ABCA12: variants seen among roughly 807,000 people sequenced by gnomAD.
The protein encoded by ABCA12 is ATP binding cassette subfamily A member 12.
Under a neutral mutation model 293.5 loss-of-function variants are expected in ABCA12, and 156 were observed. The ratio of observed to expected loss-of-function variants is 0.53; its 90% confidence interval spans 0.47 to 0.61. The LOEUF (loss-of-function observed/expected upper bound fraction) is 0.61, where lower values mean the gene tolerates loss of function less well. Among genes scored for constraint, ABCA12 ranks in the 20% least tolerant of loss-of-function variants. The pLI, the probability that ABCA12 is intolerant of heterozygous loss-of-function variation, is 0.00. For synonymous variants in ABCA12, 1,063 were observed against 1,108.0 expected (o/e 0.96, Z 0.81); for missense variants, 2,797 against 3,090.2 (o/e 0.91, Z 2.25).
chr2:215,084,316 A>T (rs1250814360), intron 2 of ABCA12, among the ~76,000 whole-genome samples: 1 of 146,882 alleles, frequency 6.8e-6, no homozygotes, highest in East Asian at 2.0e-4. Context: ...TCACAGTTTC[A>T]GCTTACAGAC....
chr2:214,986,503 C>G (rs1288923572), intron 28 of ABCA12, 39 bp downstream of exon 28: 1 of 1,588,222 alleles, frequency 6.3e-7, no homozygotes, highest in East Asian at 2.2e-5. Context: ...TTTTTTGTAA[C>G]ATGCTTCCAT....
chr2:215,096,123 T>C (rs1449466889), intron 2 of ABCA12, among the ~76,000 whole-genome samples: 1 of 152,242 alleles, frequency 6.6e-6, no homozygotes, highest in African/African-American at 2.4e-5. Context: ...TACCTACTCA[T>C]AGTAATCTTT....
chr2:215,064,057 T>G lies in ABCA12; in HGVS notation c.317+9A>C. The G allele has an allele frequency of 1.2e-6, 2 of 1,612,494 alleles. No individual in the cohort carries two copies. The highest frequency in any genetic ancestry group is 2.2e-5 in the South Asian group (2 of 91,070). ...AGAACAATTGAACACACTTGAGAAG[T>G]GCCCCCACCTGTCTTTAAATAGTGC... On this transcript the variant is annotated intron_variant, in intron 3 of 52. Coordinates refer to ENST00000272895, the MANE Select transcript of ABCA12 (RefSeq NM_173076.3).
intron 18 of ABCA12, among the ~76,000 whole-genome samples, chr2:215,008,885 A>C (rs1700311169): frequency 6.6e-6 from 1 of 152,194 alleles, no homozygotes; most frequent in Non-Finnish European, 1.5e-5. Flanking sequence ...GGGAGTGTAA[A>C]TTAGTTCAGC....
chr2:214,996,735 G>T (rs954250234), intron 23 of ABCA12, among the ~76,000 whole-genome samples: 8 of 152,212 alleles, frequency 5.3e-5, no homozygotes, highest in African/African-American at 1.9e-4. Context: ...AAAGCCTGAT[G>T]CTGAACTAAC....
At chr2:215,037,205 A>G (rs1269311003) in intron 7 of ABCA12, 140 bp from the exon 8 acceptor site, 1 of 705,938 alleles carries the variant, frequency 1.4e-6, no homozygotes, top group African/African-American at 1.8e-5. Flanking sequence ...TTGTAATTTA[A>G]TTACTTGTTT....
At chr2:214,957,936 C>G (rs1441156112) in intron 41 of ABCA12, among the ~76,000 whole-genome samples, 1 of 152,164 alleles carries the variant, frequency 6.6e-6, no homozygotes, top group Admixed American at 6.5e-5. Context: ...GACTGTAAGA[C>G]TTCAGCGTGC....
At chr2:215,023,671 T>G (rs1700679219) in intron 11 of ABCA12, 1 of 152,218 alleles carries the variant, frequency 6.6e-6, no homozygotes, top group African/African-American at 2.4e-5. Flanking sequence ...ACCCTCACTT[T>G]TTCATACATT....
chr2:214,954,522 T>C (rs2105932187), intron 43 of ABCA12, among the ~76,000 whole-genome samples: 1 of 152,214 alleles, frequency 6.6e-6, no homozygotes, highest in East Asian at 1.9e-4. Flanking sequence ...AATGCTGAAA[T>C]GAGGTAGAAG....
intron 4 of ABCA12, among the ~76,000 whole-genome samples, chr2:215,053,591 C>T (rs1217887461): frequency 1.3e-5 from 2 of 152,074 alleles, no homozygotes; most frequent in African/African-American, 2.4e-5. Flanking sequence ...ATTAACTCCT[C>T]AAAACCATTC....
In ABCA12 at chr2:214,956,784, G is replaced by A. The variant is rs181559226; in HGVS notation, c.6118-6C>T. The A allele has an allele frequency of 2.9e-5, 46 of 1,584,210 alleles. No individual in the cohort carries two copies. The Admixed American group carries it at 5.4e-4, about 18-fold the overall frequency. ...ACAGGCACCAAGTAGAAAACCTATG[G>A]AAATATTCAAAACAATGTTTAATAC... On this transcript the variant is annotated splice_polypyrimidine_tract_variant and splice_region_variant and intron_variant, in intron 41 of 52. Transcript: ENST00000272895.
Position 214,948,720 on chromosome 2 carries a change from T to G in ABCA12, c.6980A>C (p.Asp2327Ala). The G allele has an allele frequency of 6.2e-7, 1 of 1,614,018 alleles. No homozygotes were observed. The highest frequency in any genetic ancestry group is 1.1e-5 in the South Asian group (1 of 91,076). Residue 2327 changes from aspartate to alanine, a missense_variant, in exon 47 of 53, where the codon GAT becomes GCT. Asp to Ala is a moderately radical substitution (Grantham distance 126). Coordinates refer to ENST00000272895, the MANE Select transcript of ABCA12 (RefSeq NM_173076.3). ...GTAGCCAACTAATGAGCTGTGAGAA[T>G]CAACGTGACCCAGAGATCTGAATTG... ...RNKTGSLGHV[D>A]SHSSLVGYCP...
intron 7 of ABCA12, among the ~76,000 whole-genome samples, chr2:215,038,147 C>T (rs918266422): frequency 6.6e-6 from 1 of 151,642 alleles, no homozygotes; most frequent in African/African-American, 2.4e-5. Context: ...CTGGGTAGTT[C>T]CTAGTATAAA....
In ABCA12 at chr2:214,980,789, C is replaced by G. The variant is rs577106007; in HGVS notation, c.4580-146G>C. 1.2e-5 allele frequency: 13 copies of G among 1,069,300 alleles called. No homozygotes were observed. The South Asian group carries it at 1.8e-4, about 15-fold the overall frequency. 66.2% of individuals were successfully genotyped at this position (1,069,300 alleles called of 1,614,324 possible). On this transcript the variant is annotated intron_variant, in intron 30 of 52. Coordinates refer to ENST00000272895, the MANE Select transcript of ABCA12 (RefSeq NM_173076.3). ...TGAAAAACTGACTGACCTCAAAGAG[C>G]TTCCAAAATGATGCAAGAAAAATTC...
intron 6 of ABCA12, among the ~76,000 whole-genome samples, chr2:215,046,598 T>G (rs986579796): frequency 1.3e-5 from 2 of 151,442 alleles, no homozygotes; most frequent in Non-Finnish European, 2.9e-5. Flanking sequence ...TTTTGAACAA[T>G]GTCTTTTTTA....
rs1243824661 is a variant in ABCA12 at position 214,971,023 on chromosome 2, C to T, written c.5563-623G>A. Among the ~76,000 whole-genome samples the T allele has an allele frequency of 3.3e-5, 5 of 152,162 alleles. 1 individual carries two copies. The South Asian group carries it at 8.3e-4, about 25-fold the overall frequency. On this transcript the variant is annotated intron_variant, in intron 36 of 52. Coordinates refer to ENST00000272895, the MANE Select transcript of ABCA12 (RefSeq NM_173076.3). ...TTCCTGTGTACCCTGGTCACTTTCCCTTGTGGGTACTTATATTACCAAGTA... is the reference window on the plus strand; with the variant it reads ...TTCCTGTGTACCCTGGTCACTTTCCTTTGTGGGTACTTATATTACCAAGTA...
chr2:215,123,809 T>C (rs1702861047), intron 1 of ABCA12, among the ~76,000 whole-genome samples: 1 of 152,108 alleles, frequency 6.6e-6, no homozygotes, highest in Non-Finnish European at 1.5e-5. Context: ...GGTACAGGTA[T>C]TAGTTGGTTA....
intron 23 of ABCA12, among the ~76,000 whole-genome samples, chr2:214,993,314 G>T (rs996852604): frequency 1.3e-5 from 2 of 152,342 alleles, no homozygotes; most frequent in Non-Finnish European, 2.9e-5. Flanking sequence ...AAAGTAGCAT[G>T]AAGCAAAGGT....
At chr2:214,956,466 T>C (rs536649396) in intron 42 of ABCA12, among the ~76,000 whole-genome samples, 197 bp downstream of exon 42, 62 of 147,330 alleles carry the variant, frequency 4.2e-4, no homozygotes, top group African/African-American at 1.4e-3. Flanking sequence ...GTATTACTAT[T>C]AATAACAACA....
Sources: allele counts gnomAD v4.1 joint callset (sites outside exome capture counted in the v4.1 genomes callset), GRCh38; gene constraint gnomAD v4.1.1; transcripts MANE v1.5; gene names NCBI Gene and HGNC (gene_info 2026-07-23, HGNC 2026-07-21).